The following DGKI variants were observed in gnomAD, a reference collection of about 807,000 sequenced individuals.
The protein encoded by DGKI is diacylglycerol kinase iota.
In DGKI, 55 loss-of-function variants were observed where a neutral mutation model predicts 147.5. That is an observed-to-expected ratio of 0.37 (90% CI 0.30 to 0.47). DGKI has a LOEUF of 0.47. Among genes scored for constraint, DGKI ranks in the 20% least tolerant of loss-of-function variants. DGKI has a pLI of 1.00. For missense variants in DGKI, 1,007 were observed against 1,323.8 expected (o/e 0.76, Z 3.71); for synonymous variants, 469 against 477.1 (o/e 0.98, Z 0.22).
chr7:137,542,244 A>G (rs1245459319), intron 20 of DGKI, among the ~76,000 whole-genome samples: 2 of 152,146 alleles, frequency 1.3e-5, no homozygotes, highest in African/African-American at 4.8e-5. Context: ...TTACCATATG[A>G]CCCAGCAATC....
intron 10 of DGKI, among the ~76,000 whole-genome samples, chr7:137,600,996 G>A (rs1819968760): frequency 6.6e-6 from 1 of 152,170 alleles, no homozygotes; most frequent in Admixed American, 6.5e-5. Flanking sequence ...AAGGGGCCGG[G>A]CACGGTGGCT....
At chr7:137,771,655 CTT>C (rs1437049202) in intron 1 of DGKI, 4 of 152,178 alleles carry the variant, frequency 2.6e-5, no homozygotes, top group Non-Finnish European at 5.9e-5. Context: ...ATCATCATGA[CTT>C]GATACAATTG....
At chr7:137,607,175 T>C (rs1820211852) in intron 10 of DGKI, among the ~76,000 whole-genome samples, 1 of 152,188 alleles carries the variant, frequency 6.6e-6, no homozygotes, top group Non-Finnish European at 1.5e-5. Flanking sequence ...GTAGTACCCA[T>C]CTTTGATTTC....
intron 1 of DGKI, among the ~76,000 whole-genome samples, chr7:137,752,812 G>A (rs548638691): frequency 6.6e-6 from 1 of 152,220 alleles, no homozygotes; most frequent in South Asian, 2.1e-4. Context: ...CGAAGCTCCC[G>A]GCCGAATAAA....
chr7:137,574,685 A>G (rs1428278631), intron 17 of DGKI, among the ~76,000 whole-genome samples: 1 of 152,172 alleles, frequency 6.6e-6, no homozygotes, highest in East Asian at 1.9e-4. Context: ...AGCAGTTTTC[A>G]ACTTTTTCCC....
At chr7:137,828,062 C>T (rs1798110807) in intron 1 of DGKI, among the ~76,000 whole-genome samples, 1 of 152,202 alleles carries the variant, frequency 6.6e-6, no homozygotes, top group Non-Finnish European at 1.5e-5. Flanking sequence ...TGACCGCCCG[C>T]TCTCTTTGTA....
chr7:137,827,391 C>G (rs1798088710), intron 1 of DGKI, among the ~76,000 whole-genome samples: 3 of 152,176 alleles, frequency 2.0e-5, no homozygotes, highest in Admixed American at 2.0e-4. Context: ...TCCTTATGCT[C>G]AACCCAAACT....
At chr7:137,708,534 C>T (rs533663041) in intron 1 of DGKI, among the ~76,000 whole-genome samples, 14 of 152,206 alleles carry the variant, frequency 9.2e-5, no homozygotes, top group Admixed American at 3.9e-4. Context: ...AGGAAACATC[C>T]GATTCAATAA....
At chr7:137,819,488 T>G (rs1377976854) in intron 1 of DGKI, among the ~76,000 whole-genome samples, 1 of 152,008 alleles carries the variant, frequency 6.6e-6, no homozygotes. Context: ...TTTTTTGTAT[T>G]TTTAGTAGAG....
Position 137,703,166 on chromosome 7 carries a change from C to T in DGKI, c.402-13164G>A, listed in dbSNP as rs75925293. On this transcript the variant is annotated intron_variant, in intron 1 of 32. Coordinates refer to ENST00000614521, the MANE Select transcript of DGKI (RefSeq NM_001321708.2). The stretch of plus-strand genomic sequence containing the variant: ...GAAGGTCTCCGGAAACTTACGATCA[C>T]GGCGGAAGGGAAAACAAGCACTTTC... Among the ~76,000 whole-genome samples the T allele has an allele frequency of 1.6e-3, 248 of 152,202 alleles. 1 individual carries two copies. Among genetic ancestry groups the T allele is most frequent in the African/African-American group, 5.2e-3 (215 of 41,522 alleles).
intron 1 of DGKI, among the ~76,000 whole-genome samples, chr7:137,787,877 T>C (rs1746502793): frequency 6.6e-6 from 1 of 152,074 alleles, no homozygotes; most frequent in South Asian, 2.1e-4. Flanking sequence ...CATTGGACTC[T>C]GGGAACTCAG....
intron 1 of DGKI, among the ~76,000 whole-genome samples, chr7:137,838,149 T>C (rs1019271760): frequency 1.3e-4 from 20 of 151,786 alleles, no homozygotes; most frequent in Non-Finnish European, 2.5e-4. Flanking sequence ...ACTACAAGTG[T>C]GCACCACCAC....
At chr7:137,805,348 C>G (rs1030182657) in intron 1 of DGKI, among the ~76,000 whole-genome samples, 7 of 152,108 alleles carry the variant, frequency 4.6e-5, no homozygotes, top group Non-Finnish European at 1.0e-4. Flanking sequence ...GGCGAGGGAG[C>G]GAATGGAGAA....
rs140444939 is a variant in DGKI, at chr7:137,769,122, C to A, written c.401+77340G>T. ...GGGATTTCGCATTCTGATTACGGAG[C>A]CCTACTACATGATAATAATCTCTTG... On this transcript the variant is annotated intron_variant, in intron 1 of 32. Coordinates refer to ENST00000614521, the MANE Select transcript of DGKI (RefSeq NM_001321708.2). 3.4e-3 allele frequency among the ~76,000 whole-genome samples: 511 copies of A among 152,250 alleles called. 2 individuals carry two copies. The highest frequency in any genetic ancestry group is 0.012 in the African/African-American group (498 of 41,554).
intron 30 of DGKI, among the ~76,000 whole-genome samples, chr7:137,406,175 A>T (rs1157732497): frequency 2.1e-5 from 2 of 94,558 alleles, no homozygotes; most frequent in East Asian, 7.9e-4. Flanking sequence ...TCAAGAAGAC[A>T]GCAAATAGGA....
intron 6 of DGKI, among the ~76,000 whole-genome samples, chr7:137,628,350 G>C (rs1195113336): frequency 1.3e-5 from 2 of 152,172 alleles, no homozygotes; most frequent in South Asian, 2.1e-4. Context: ...AATCAACTCT[G>C]TGCTTTGTTT....
intron 8 of DGKI, among the ~76,000 whole-genome samples, chr7:137,613,156 A>C (rs1486279273): frequency 6.6e-6 from 1 of 152,086 alleles, no homozygotes; most frequent in Non-Finnish European, 1.5e-5. Flanking sequence ...TAAGATCACA[A>C]ATGACTGGTT....
At chr7:137,651,088 C>G (rs1194993941) in intron 5 of DGKI, among the ~76,000 whole-genome samples, 4 of 152,152 alleles carry the variant, frequency 2.6e-5, no homozygotes, top group African/African-American at 9.7e-5. Flanking sequence ...GAGTTTTAAG[C>G]CAGGGAAAAT....
chr7:137,824,573 C>G (rs1238904134), intron 1 of DGKI, among the ~76,000 whole-genome samples: 2 of 151,288 alleles, frequency 1.3e-5, no homozygotes, highest in Non-Finnish European at 2.9e-5. Context: ...ATTTAAAGCC[C>G]TGTCATTCTT....
Sources: allele counts gnomAD v4.1 joint callset (sites outside exome capture counted in the v4.1 genomes callset), GRCh38; gene constraint gnomAD v4.1.1; transcripts MANE v1.5; gene names NCBI Gene and HGNC (gene_info 2026-07-23, HGNC 2026-07-21).